TRMT11: variants seen among roughly 807,000 people sequenced by gnomAD.
TRMT11 encodes tRNA methyltransferase 11.
TRMT11 carries 53 observed loss-of-function variants against 62.8 expected under a neutral mutation model. That is an observed-to-expected ratio of 0.84 (90% CI 0.68 to 1.06). TRMT11 has a LOEUF of 1.06. TRMT11 is among the 50% of genes least tolerant of loss of function. The pLI, the probability that TRMT11 is intolerant of heterozygous loss-of-function variation, is 0.00. For missense variants in TRMT11, 556 were observed against 553.4 expected (o/e 1.00, Z -0.05); for synonymous variants, 188 against 190.3 (o/e 0.99, Z 0.10).
At chr6:126,089,564 C>T (rs926465431) in intron 17 of TRMT11, among the ~76,000 whole-genome samples, 4 of 152,188 alleles carry the variant, frequency 2.6e-5, no homozygotes, top group Non-Finnish European at 4.4e-5. Flanking sequence ...ATTCAAACTC[C>T]GGTCTGTTCA....
intron 17 of TRMT11, among the ~76,000 whole-genome samples, chr6:126,060,995 G>T (rs1165030831): frequency 6.6e-6 from 1 of 152,238 alleles, no homozygotes; most frequent in Non-Finnish European, 1.5e-5. Flanking sequence ...CTTTCTAAGA[G>T]TTGCCAAAAG....
At chr6:126,215,361 G>C in the TRMT11 span, among the ~76,000 whole-genome samples, 1 of 151,926 alleles carries the variant, frequency 6.6e-6, no homozygotes, top group African/African-American at 2.4e-5. Flanking sequence ...ATATATCTAG[G>C]TGCTCCAGTG....
intron 17 of TRMT11, among the ~76,000 whole-genome samples, chr6:126,108,834 C>T (rs1777494451): frequency 6.6e-6 from 1 of 152,080 alleles, no homozygotes; most frequent in South Asian, 2.1e-4. Context: ...TTCTCAGGTG[C>T]CTTGCTAATG....
chr6:126,188,276 T>C (rs939858034), intron 1 of TRMT11, among the ~76,000 whole-genome samples: 2 of 151,970 alleles, frequency 1.3e-5, no homozygotes, highest in African/African-American at 4.8e-5. Context: ...AAAGATTTCC[T>C]ACAAATTGAC....
At chr6:126,225,969 G>A in the TRMT11 span, among the ~76,000 whole-genome samples, 1 of 124 alleles carries the variant, frequency 8.1e-3, no homozygotes, top group East Asian at 0.25. Context: ...TGGGATTACA[G>A]GCGTGAGTAC....
intron 17 of TRMT11, among the ~76,000 whole-genome samples, chr6:126,072,001 C>T (rs1178964072): frequency 6.6e-6 from 1 of 152,138 alleles, no homozygotes; most frequent in Non-Finnish European, 1.5e-5. Flanking sequence ...TTTTGAGGGT[C>T]TGACTTCAAT....
chr6:126,015,835 A>G (rs562831445), intron 11 of TRMT11, among the ~76,000 whole-genome samples: 52 of 152,248 alleles, frequency 3.4e-4, no homozygotes, highest in African/African-American at 1.2e-3. Context: ...CATGGCTTAT[A>G]TTCTGAGTGT....
chr6:125,995,715 A>G (rs1259333449), intron 2 of TRMT11, among the ~76,000 whole-genome samples: 1 of 152,232 alleles, frequency 6.6e-6, no homozygotes, highest in Non-Finnish European at 1.5e-5. Context: ...AAGCTACATA[A>G]AAGGGCAGAT....
At chr6:126,107,116 C>T (rs1032699702) in intron 17 of TRMT11, among the ~76,000 whole-genome samples, 7 of 152,130 alleles carry the variant, frequency 4.6e-5, no homozygotes, top group Admixed American at 2.0e-4. Context: ...GGATAGAGAG[C>T]GTTGCTTGGA....
chr6:126,183,147 C>T (rs1412242766), intron 1 of TRMT11, among the ~76,000 whole-genome samples: 2 of 152,132 alleles, frequency 1.3e-5, no homozygotes, highest in African/African-American at 4.8e-5. Context: ...AGAATTAAAA[C>T]TTTCCCTTTT....
intron 3 of TRMT11, among the ~76,000 whole-genome samples, chr6:125,997,153 A>G (rs1406229018): frequency 6.6e-6 from 1 of 152,160 alleles, no homozygotes; most frequent in African/African-American, 2.4e-5. Context: ...TATTATCTAT[A>G]TATTTTGTGT....
chr6:126,182,538 G>C (rs1778479320), intron 1 of TRMT11, among the ~76,000 whole-genome samples: 1 of 151,708 alleles, frequency 6.6e-6, no homozygotes, highest in Non-Finnish European at 1.5e-5. Context: ...TTCCCTTATG[G>C]GGTCTGTGCT....
the TRMT11 span, among the ~76,000 whole-genome samples, chr6:126,216,327 A>T: frequency 6.6e-6 from 1 of 152,102 alleles, no homozygotes; most frequent in East Asian, 1.9e-4. Flanking sequence ...GTAGGCACTT[A>T]TCTGTAAACT....
upstream of TRMT11, among the ~76,000 whole-genome samples, chr6:126,174,168 A>G (rs1778359743): frequency 1.3e-5 from 2 of 152,192 alleles, no homozygotes; most frequent in Non-Finnish European, 2.9e-5. Context: ...GGCTATCCTC[A>G]GGAATGGCAT....
At chr6:126,159,516 A>G (rs1778165082) in intron 21 of TRMT11, among the ~76,000 whole-genome samples, 1 of 152,220 alleles carries the variant, frequency 6.6e-6, no homozygotes, top group Non-Finnish European at 1.5e-5. Flanking sequence ...GCCACTGATC[A>G]CTACATAGAG....
chr6:126,110,184 G>T (rs948953481), intron 17 of TRMT11, among the ~76,000 whole-genome samples: 1 of 152,084 alleles, frequency 6.6e-6, no homozygotes, highest in Admixed American at 6.6e-5. Context: ...TGCTATGGAG[G>T]CATTATTATT....
intron 17 of TRMT11, among the ~76,000 whole-genome samples, chr6:126,102,936 C>A (rs1316565386): frequency 2.6e-5 from 4 of 152,194 alleles, no homozygotes. Flanking sequence ...TTGCCAAAGT[C>A]ATATAATTGT....
chr6:126,202,210 T>C (rs927693761), exon 4 of TRMT11: 9 of 152,020 alleles, frequency 5.9e-5, no homozygotes, highest in Non-Finnish European at 1.2e-4. Flanking sequence ...TAATAATAAA[T>C]GTCTGATGGA....
chr6:126,265,093 C>T, the TRMT11 span, among the ~76,000 whole-genome samples: 2 of 152,122 alleles, frequency 1.3e-5, no homozygotes, highest in Non-Finnish European at 2.9e-5. Flanking sequence ...ACTGTATATT[C>T]ACATTTATGT....
Sources: gnomAD v4.1 joint callset for allele counts (sites outside exome capture counted in the v4.1 genomes callset) on GRCh38, gnomAD v4.1.1 for gene constraint, MANE v1.5 for transcripts, NCBI Gene and HGNC (gene_info 2026-07-23, HGNC 2026-07-21) for gene names.